Variants in ANO10 observed in about 807,000 individuals in gnomAD.
The protein encoded by ANO10 is anoctamin-10.
In ANO10, 77 loss-of-function variants were observed where a neutral mutation model predicts 74.7. The observed-to-expected ratio is 1.03, with a 90% CI of 0.86 to 1.25. The LOEUF (loss-of-function observed/expected upper bound fraction) is 1.25. Ranked by LOEUF, ANO10 falls within the 50% of genes most tolerant of loss-of-function variation. The pLI, the probability that ANO10 is intolerant of heterozygous loss-of-function variation, is 0.00. For synonymous variants in ANO10, 279 were observed against 284.9 expected (o/e 0.98, Z 0.21); for missense variants, 721 against 778.1 (o/e 0.93, Z 0.87).
Position 43,555,459 on chromosome 3 carries a change from T to C in ANO10, c.1487A>G (p.Asp496Gly), listed in dbSNP as rs768074189. Residue 496 changes from aspartate to glycine, a missense_variant, in exon 10 of 13, where the codon GAT (aspartate) becomes GGT (glycine). Asp to Gly is a moderately conservative substitution (Grantham distance 94). Coordinates refer to ENST00000292246, the MANE Select transcript of ANO10 (RefSeq NM_018075.5). ...CTGCAGGAATAACTCCAAGTAATCA[T>C]CAAAGGTGCCCTGAAAATATAAACA... ...KEMGTYLGTFDDYLELFLQFG... is the reference protein window; with the variant it reads ...KEMGTYLGTFGDYLELFLQFG... 1.9e-6 allele frequency: 3 copies of C among 1,614,088 alleles called. No individual in the cohort carries two copies. The highest frequency in any genetic ancestry group is 2.5e-6 in the Non-Finnish European group (3 of 1,180,006).
In ANO10 at chr3:43,606,731, C is replaced by T. The variant is rs184748744; in HGVS notation, c.-11-868G>A. 2.7e-4 allele frequency among the ~76,000 whole-genome samples: 41 copies of T among 152,058 alleles called. No individual in the cohort carries two copies. In the East Asian group the frequency reaches 6.8e-3, roughly 25 times the overall value. On this transcript the variant is annotated intron_variant, in intron 1 of 12. Coordinates refer to ENST00000292246, the MANE Select transcript of ANO10 (RefSeq NM_018075.5). The stretch of plus-strand genomic sequence containing the variant: ...ATTATATGGAACTCTCTACAGTACC[C>T]ATCTCAGCTAGGCAGAACCACTACT...
At chr3:43,474,328 G>GTTT (rs374314338) in intron 11 of ANO10, among the ~76,000 whole-genome samples, 1 of 149,964 alleles carries the variant, frequency 6.7e-6, no homozygotes, top group African/African-American at 2.5e-5. Context: ...CTAATATGTT[G>GTTT]TTTTTCCAAG....
intron 11 of ANO10, among the ~76,000 whole-genome samples, chr3:43,531,205 G>T (rs947284115): frequency 6.6e-6 from 1 of 152,116 alleles, no homozygotes; most frequent in Non-Finnish European, 1.5e-5. Context: ...AAAACAAAAT[G>T]ACAGATCTTC....
At chr3:43,608,022 G>A (rs1022993568) in intron 1 of ANO10, among the ~76,000 whole-genome samples, 2 of 152,052 alleles carry the variant, frequency 1.3e-5, no homozygotes, top group African/African-American at 4.8e-5. Flanking sequence ...GAACTAAAAG[G>A]GGGAGGTATT....
At chr3:43,650,262 G>A (rs548255068) in intron 1 of ANO10, among the ~76,000 whole-genome samples, 1 of 152,218 alleles carries the variant, frequency 6.6e-6, no homozygotes, top group Admixed American at 6.5e-5. Flanking sequence ...GCCATCCAGC[G>A]GCCAATTCTT....
At chr3:43,398,064 T>G (rs2092414556) in intron 12 of ANO10, among the ~76,000 whole-genome samples, 1 of 152,208 alleles carries the variant, frequency 6.6e-6, no homozygotes, top group Non-Finnish European at 1.5e-5. Context: ...ATTGAGAAAC[T>G]GGGATTCATG....
At chr3:43,386,687 G>GTGTCTC (rs1461458593) in intron 12 of ANO10, among the ~76,000 whole-genome samples, 1 of 150,834 alleles carries the variant, frequency 6.6e-6, no homozygotes, top group African/African-American at 2.4e-5. Context: ...GTGTGTGTGT[G>GTGTCTC]TCTCCAAATC....
At chr3:43,511,584 GTC>G (rs2077510084) in intron 11 of ANO10, among the ~76,000 whole-genome samples, 1 of 152,136 alleles carries the variant, frequency 6.6e-6, no homozygotes, top group Non-Finnish European at 1.5e-5. Context: ...TTCTGCTTAT[GTC>G]TGTTAGTCAT....
chr3:43,473,621 T>C (rs540149062), intron 11 of ANO10, among the ~76,000 whole-genome samples: 14 of 152,352 alleles, frequency 9.2e-5, no homozygotes, highest in South Asian at 2.1e-4. Context: ...ATACTGTTCC[T>C]AGACATGCTG....
rs762242305 is a variant in ANO10 at position 43,484,898 on chromosome 3, C to A, written c.1798-52171G>T. ...GCATGACCAATTGTCTAAGCATTTA[C>A]AGTTTATGTCTTTTTTTTTTCACCG... On this transcript the variant is annotated intron_variant, in intron 11 of 12. Transcript: ENST00000292246. 6.1e-6 allele frequency: 4 copies of A among 655,598 alleles called. No homozygotes were observed. The South Asian group carries it at 7.5e-5, about 12-fold the overall frequency. The allele number at this position is 655,598 out of a possible 1,614,324, so 40.6% of individuals were successfully genotyped here. A position where few individuals can be genotyped will look rare whatever the true frequency, so the allele number is the denominator to read the frequency against.
intron 4 of ANO10, among the ~76,000 whole-genome samples, chr3:43,586,272 G>A (rs185651142): frequency 6.6e-6 from 1 of 152,244 alleles, no homozygotes; most frequent in Admixed American, 6.5e-5. Context: ...TGGGACCAAA[G>A]GATGGAAGGT....
chr3:43,477,780 C>T (rs116294568), intron 11 of ANO10, among the ~76,000 whole-genome samples: 119 of 152,204 alleles, frequency 7.8e-4, no homozygotes, highest in African/African-American at 2.8e-3. Context: ...CCTGTTTGGG[C>T]AAGGCATAAT....
chr3:43,559,423 T>C (rs1413512507), intron 9 of ANO10, among the ~76,000 whole-genome samples: 2 of 152,210 alleles, frequency 1.3e-5, no homozygotes, highest in African/African-American at 4.8e-5. Context: ...TAATTGATTA[T>C]AGAAAGAGAA....
At chr3:43,509,286 G>A (rs750278072) in intron 11 of ANO10, among the ~76,000 whole-genome samples, 25 of 151,738 alleles carry the variant, frequency 1.6e-4, no homozygotes, top group Admixed American at 2.6e-4. Flanking sequence ...GTTAACGGGT[G>A]CAGCACACCA....
At chr3:43,491,437 C>A (rs2076719274) in intron 11 of ANO10, among the ~76,000 whole-genome samples, 1 of 152,142 alleles carries the variant, frequency 6.6e-6, no homozygotes, top group South Asian at 2.1e-4. Context: ...TCGCTTGAAC[C>A]AGGGAGGTGG....
chr3:43,678,580 C>T (rs2084152646), intron 1 of ANO10, among the ~76,000 whole-genome samples: 2 of 152,210 alleles, frequency 1.3e-5, no homozygotes, highest in South Asian at 4.1e-4. Flanking sequence ...CCTGCTTGCT[C>T]AATCGATCAG....
rs2091931272 is a variant in ANO10 at position 43,380,556 on chromosome 3, A to C, written c.1915-13582T>G. Among the ~76,000 whole-genome samples the C allele has an allele frequency of 2.0e-5, 3 of 152,214 alleles. No individual in the cohort carries two copies. The South Asian group carries it at 6.2e-4, about 32-fold the overall frequency. On this transcript the variant is annotated intron_variant, in intron 12 of 12. Coordinates refer to ENST00000292246, the MANE Select transcript of ANO10 (RefSeq NM_018075.5). ...TCCTATCTTTAGCCTCCTTAAACAAAACAATTGGCCAAGAATTTTGTGTCT... is the reference window on the plus strand; with the variant it reads ...TCCTATCTTTAGCCTCCTTAAACAACACAATTGGCCAAGAATTTTGTGTCT...
At chr3:43,403,941 C>G (rs1258742626) in intron 12 of ANO10, among the ~76,000 whole-genome samples, 1 of 152,098 alleles carries the variant, frequency 6.6e-6, no homozygotes, top group African/African-American at 2.4e-5. Context: ...TAACACCCTC[C>G]CCTCCTGGAG....
chr3:43,519,190 G>C (rs546879451), intron 11 of ANO10, among the ~76,000 whole-genome samples: 5 of 152,090 alleles, frequency 3.3e-5, no homozygotes, highest in Non-Finnish European at 7.4e-5. Flanking sequence ...GGTTCCCCCA[G>C]TAGGCAAGAT....
Sources: gnomAD v4.1 joint callset for allele counts (sites outside exome capture counted in the v4.1 genomes callset) on GRCh38, gnomAD v4.1.1 for gene constraint, MANE v1.5 for transcripts, NCBI Gene and HGNC (gene_info 2026-07-23, HGNC 2026-07-21) for gene names.